EXOC4: variants seen among roughly 807,000 people sequenced by gnomAD.
EXOC4 encodes exocyst complex component 4.
Under a neutral mutation model 107.2 loss-of-function variants are expected in EXOC4, and 71 were observed. The observed-to-expected ratio is 0.66, with a 90% CI of 0.55 to 0.81. The LOEUF is 0.81. Ranked by LOEUF, EXOC4 falls within the 30% of genes least tolerant of loss-of-function variation. The probability of loss-of-function intolerance (pLI) is 0.00; values close to 1 mark genes in which losing one functional copy is unlikely to be tolerated. For synonymous variants in EXOC4, 456 were observed against 441.2 expected (o/e 1.03, Z -0.42); for missense variants, 1,108 against 1,189.6 (o/e 0.93, Z 1.01).
intron 10 of EXOC4, among the ~76,000 whole-genome samples, chr7:133,778,825 C>T (rs1178818637): frequency 1.3e-5 from 2 of 152,052 alleles, no homozygotes; most frequent in South Asian, 2.1e-4. Context: ...TAATTTAGTT[C>T]TACTAAAATG....
At chr7:134,014,229 C>T (rs901034337) in intron 17 of EXOC4, among the ~76,000 whole-genome samples, 2 of 152,104 alleles carry the variant, frequency 1.3e-5, no homozygotes, top group Non-Finnish European at 2.9e-5. Context: ...CGATAAAACC[C>T]TGTCTCTACT....
At chr7:133,661,188 G>A (rs1478900494) in intron 10 of EXOC4, among the ~76,000 whole-genome samples, 8 of 152,070 alleles carry the variant, frequency 5.3e-5, no homozygotes, top group South Asian at 2.1e-4. Context: ...TTCCATGGCC[G>A]CTGCTTGGCA....
chr7:133,928,583 TC>T (rs1361374444), intron 13 of EXOC4, among the ~76,000 whole-genome samples: 5 of 152,112 alleles, frequency 3.3e-5, no homozygotes, highest in Admixed American at 2.6e-4. Flanking sequence ...CTCCAGCATC[TC>T]CTCCCAGAAA....
chr7:133,648,709 A>C (rs1803056224), intron 10 of EXOC4, among the ~76,000 whole-genome samples: 1 of 152,174 alleles, frequency 6.6e-6, no homozygotes, highest in African/African-American at 2.4e-5. Context: ...AGGTCGAATA[A>C]AGGATTTGCA....
chr7:133,791,943 A>T (rs1333149021), intron 10 of EXOC4, among the ~76,000 whole-genome samples: 1 of 152,200 alleles, frequency 6.6e-6, no homozygotes, highest in Non-Finnish European at 1.5e-5. Flanking sequence ...AAGGGTGTGG[A>T]AACATCATTG....
intron 14 of EXOC4, among the ~76,000 whole-genome samples, chr7:133,948,497 CT>C (rs1249791879): frequency 6.6e-6 from 1 of 152,098 alleles, no homozygotes; most frequent in Non-Finnish European, 1.5e-5. Flanking sequence ...ACTGGATGTG[CT>C]TTTTTTCAAA....
chr7:134,004,040 G>GTGGCACATTTCCA (rs1563087778), intron 15 of EXOC4, among the ~76,000 whole-genome samples: 1 of 152,028 alleles, frequency 6.6e-6, no homozygotes, highest in East Asian at 1.9e-4. Context: ...CTGATACCCC[G>GTGGCACATTTCCA]TGGCACATTT....
Position 133,465,631 on chromosome 7 carries a change from A to G in EXOC4, c.1183-9697A>G, listed in dbSNP as rs181164984. Among the ~76,000 whole-genome samples, 6 of 152,330 alleles carry G rather than the reference A, an allele frequency of 3.9e-5. No homozygotes were observed. The East Asian group carries it at 1.2e-3, about 29-fold the overall frequency. ...TAGAATATTCTCCATGTGAGTCTAT[A>G]TGCTAGATCATCAAGTAAGTCTCAA... is the stretch of plus-strand genomic sequence containing the variant. On this transcript the variant is annotated intron_variant, in intron 7 of 17. Transcript: ENST00000253861.
At chr7:134,081,933 A>C in the EXOC4 span, among the ~76,000 whole-genome samples, 1 of 152,210 alleles carries the variant, frequency 6.6e-6, no homozygotes, top group East Asian at 1.9e-4. Flanking sequence ...CATTCAAAAA[A>C]TATTTGTTGT....
chr7:133,487,080 C>T (rs1296366880), intron 9 of EXOC4, among the ~76,000 whole-genome samples: 4 of 152,144 alleles, frequency 2.6e-5, no homozygotes, highest in African/African-American at 9.6e-5. Flanking sequence ...TAAATCTGAT[C>T]CATGCAGTAT....
At chr7:133,325,972 T>G (rs1260727129) in intron 5 of EXOC4, among the ~76,000 whole-genome samples, 1 of 152,244 alleles carries the variant, frequency 6.6e-6, no homozygotes, top group Non-Finnish European at 1.5e-5. Flanking sequence ...TGATCTTCAT[T>G]CACTGATACC....
chr7:134,020,965 G>A (rs550262270), intron 17 of EXOC4, among the ~76,000 whole-genome samples: 3 of 149,592 alleles, frequency 2.0e-5, no homozygotes, highest in South Asian at 2.1e-4. Context: ...CAGCCTGGGC[G>A]ACAGAGCAAG....
intron 14 of EXOC4, among the ~76,000 whole-genome samples, chr7:133,956,429 G>A (rs1800820918): frequency 6.6e-6 from 1 of 152,190 alleles, no homozygotes; most frequent in Non-Finnish European, 1.5e-5. Context: ...GGCCAATGCT[G>A]GAGTGTACAG....
chr7:133,686,496 C>G (rs1173691320), intron 10 of EXOC4, among the ~76,000 whole-genome samples: 2 of 152,072 alleles, frequency 1.3e-5, no homozygotes, highest in Non-Finnish European at 2.9e-5. Flanking sequence ...TGTCTGACGT[C>G]CTTCCTCAGG....
chr7:133,467,347 A>C (rs375392521), intron 7 of EXOC4, among the ~76,000 whole-genome samples: 19 of 151,362 alleles, frequency 1.3e-4, no homozygotes, highest in Non-Finnish European at 2.5e-4. Flanking sequence ...AAACCTTTTA[A>C]TTTTTTAAAT....
intron 14 of EXOC4, among the ~76,000 whole-genome samples, chr7:133,940,050 T>C (rs1459830605): frequency 6.6e-6 from 1 of 152,222 alleles, no homozygotes; most frequent in East Asian, 1.9e-4. Flanking sequence ...TATTTAGTAA[T>C]GTTTGGAAGG....
At chr7:133,850,564 G>T (rs140785080) in intron 11 of EXOC4, among the ~76,000 whole-genome samples, 1 of 151,620 alleles carries the variant, frequency 6.6e-6, no homozygotes, top group Non-Finnish European at 1.5e-5. Flanking sequence ...GGGAAATGCC[G>T]TATTTATGTA....
intron 10 of EXOC4, among the ~76,000 whole-genome samples, chr7:133,662,610 G>GT (rs1490347265): frequency 1.3e-5 from 2 of 148,908 alleles, no homozygotes; most frequent in African/African-American, 5.1e-5. Context: ...AGTTCTGAAT[G>GT]TTTTTTAACA....
chr7:133,665,131 T>C (rs1391497789), intron 10 of EXOC4, among the ~76,000 whole-genome samples: 1 of 152,190 alleles, frequency 6.6e-6, no homozygotes, highest in Admixed American at 6.5e-5. Context: ...TTCCTTGTTA[T>C]TTTTACTTGT....
Sources: allele counts gnomAD v4.1 joint callset (sites outside exome capture counted in the v4.1 genomes callset), GRCh38; gene constraint gnomAD v4.1.1; transcripts MANE v1.5; gene names NCBI Gene and HGNC (gene_info 2026-07-23, HGNC 2026-07-21).